The following SCARB2 variants were observed in gnomAD, a reference collection of about 807,000 sequenced individuals.
SCARB2 encodes the protein scavenger receptor class B member 2, also known as lysosome membrane protein 2.
In SCARB2, 29 loss-of-function variants were observed where a neutral mutation model predicts 58.6. The observed-to-expected ratio is 0.49, with a 90% CI of 0.37 to 0.67. The LOEUF (loss-of-function observed/expected upper bound fraction) is 0.67, where lower values mean the gene tolerates loss of function less well. Among genes scored for constraint, SCARB2 ranks in the 30% least tolerant of loss-of-function variants. SCARB2 has a pLI of 0.00. For synonymous variants in SCARB2, 195 were observed against 210.1 expected (o/e 0.93, Z 0.62); for missense variants, 488 against 578.5 (o/e 0.84, Z 1.60).
At chr4:76,224,941 C>A (rs1733369456) in intron 1 of SCARB2, among the ~76,000 whole-genome samples, 1 of 151,998 alleles carries the variant, frequency 6.6e-6, no homozygotes, top group South Asian at 2.1e-4. Context: ...TCCATTATAT[C>A]ATTCTTATAG....
chr4:76,175,674 G>T, intron 6 of SCARB2, 117 bp downstream of exon 6: 2 of 1,188,644 alleles, frequency 1.7e-6, no homozygotes, highest in Admixed American at 1.8e-5. Context: ...ATTTATCACT[G>T]ATTATGCATA....
At position 76,159,637 on chromosome 4, in the gene SCARB2, G is replaced by C. The variant is rs552690075; in HGVS notation, c.*2076C>G. 5 of 152,232 alleles carry C rather than the reference G, an allele frequency of 3.3e-5. No individual in the cohort carries two copies. The highest frequency in any genetic ancestry group is 1.2e-4 in the African/African-American group (5 of 41,410). 9.4% of individuals were successfully genotyped at this position (152,232 alleles called of 1,614,324 possible). A position where few individuals can be genotyped will look rare whatever the true frequency, so the allele number is the denominator to read the frequency against. ...CTTGGGTGGCTGAGGCAGGAGAATT[G>C]CTTGAACCCGGGAGGCAGAGGTTGC... On this transcript the variant is annotated 3_prime_UTR_variant, in exon 12 of 12. Coordinates refer to ENST00000264896, the MANE Select transcript of SCARB2 (RefSeq NM_005506.4).
chr4:76,221,176 G>T (rs1212255400), intron 1 of SCARB2, among the ~76,000 whole-genome samples: 2 of 152,210 alleles, frequency 1.3e-5, no homozygotes, highest in Non-Finnish European at 2.9e-5. Context: ...AAGGGGACAG[G>T]CTTTCTCCTC....
rs1270679836 is a variant in SCARB2, at chr4:76,160,040, A to G, written c.*1673T>C. On this transcript the variant is annotated 3_prime_UTR_variant, in exon 12 of 12. Transcript: ENST00000264896. ...TTGTTAGTTTTTTTACATTTTGGTG[A>G]GTTGGAGTATCTAAAGGTTCTATCT... 1 of 152,110 alleles carries G rather than the reference A, an allele frequency of 6.6e-6. No individual in the cohort carries two copies. The highest frequency in any genetic ancestry group is 2.4e-5 in the African/African-American group (1 of 41,406). 9.4% of individuals were successfully genotyped at this position (152,110 alleles called of 1,614,324 possible).
In SCARB2 at chr4:76,160,849, A is replaced by G. The variant is rs1444576282; in HGVS notation, c.*864T>C. 3 of 152,204 alleles carry G rather than the reference A, an allele frequency of 2.0e-5. No homozygotes were observed. Among genetic ancestry groups the G allele is most frequent in the African/African-American group, 7.2e-5 (3 of 41,444 alleles). The allele number at this position is 152,204 out of a possible 1,614,324, so 9.4% of individuals were successfully genotyped here. On this transcript the variant is annotated 3_prime_UTR_variant, in exon 12 of 12. Transcript: ENST00000264896. ...CATATTTGGCAAGGGCGACTCAGGAAGAAAAATCAGTTACTCATTACATTC... is the reference window on the plus strand; with the variant it reads ...CATATTTGGCAAGGGCGACTCAGGAGGAAAAATCAGTTACTCATTACATTC...
chr4:76,163,364 T>C lies in SCARB2; in HGVS notation c.1259A>G (p.Glu420Gly). 6.2e-7 allele frequency: 1 copy of C among 1,614,226 alleles called. No individual in the cohort carries two copies. Among genetic ancestry groups the C allele is most frequent in the Non-Finnish European group, 8.5e-7 (1 of 1,180,040 alleles). ...YLNESVHIDK[E>G]TASRLKSMIN... ...CATAGACTTCAGTCGACTCGCCGTC[T>C]CTTTATCAATGTGAACACTCTGGAG... The change falls in exon 11 of 12, where the codon GAG (glutamate) becomes GGG (glycine). Residue 420 changes from glutamate to glycine, a missense_variant. Transcript: ENST00000264896.
At chr4:76,215,615 T>C (rs1011795670), upstream of SCARB2, among the ~76,000 whole-genome samples, 5 of 152,224 alleles carry the variant, frequency 3.3e-5, no homozygotes, top group Non-Finnish European at 7.3e-5. Flanking sequence ...GAAATGACCA[T>C]ATCCTGGAAC....
rs181565706 is a variant in SCARB2, at chr4:76,171,858, C to T, written c.995-1873G>A. 1.4e-4 allele frequency among the ~76,000 whole-genome samples: 21 copies of T among 152,138 alleles called. 1 individual carries two copies. In the East Asian group the frequency reaches 1.7e-3, roughly 13 times the overall value. On this transcript the variant is annotated intron_variant, in intron 7 of 11. Transcript: ENST00000264896. ...GCACAATGGTCCCCAAATACCTAGA[C>T]GCCATCTTTATGGAAATCAGCTGGA...
intron 2 of SCARB2, among the ~76,000 whole-genome samples, chr4:76,189,628 AT>A (rs939312178): frequency 5.3e-5 from 8 of 150,922 alleles, no homozygotes; most frequent in Non-Finnish European, 7.4e-5. Context: ...CACCCAGCTA[AT>A]TTTTTTTTCT....
chr4:76,209,964 C>T (rs995675175), intron 1 of SCARB2, among the ~76,000 whole-genome samples: 43 of 152,346 alleles, frequency 2.8e-4, no homozygotes, highest in African/African-American at 9.9e-4. Context: ...CCTGCCAGCA[C>T]GTCTGCAGAG....
At chr4:76,226,219 C>T (rs1733395801) in intron 1 of SCARB2, among the ~76,000 whole-genome samples, 1 of 152,084 alleles carries the variant, frequency 6.6e-6, no homozygotes, top group Admixed American at 6.5e-5. Context: ...ATACTATTTA[C>T]TGGTAATCAA....
chr4:76,221,454 G>A (rs139565645), intron 1 of SCARB2, among the ~76,000 whole-genome samples: 4,896 of 152,164 alleles, frequency 0.032, 263 homozygotes, highest in African/African-American at 0.11. Context: ...GAGTAGCTGG[G>A]ATTACAGGCA....
intron 1 of SCARB2, among the ~76,000 whole-genome samples, chr4:76,198,841 A>AGTGAGTGAGTGT (rs1259886166): frequency 2.1e-5 from 3 of 141,010 alleles, no homozygotes; most frequent in African/African-American, 8.4e-5. Flanking sequence ...AGAGTGAGTG[A>AGTGAGTGAGTGT]GTGTGTGTGT....
At chr4:76,162,197 G>A (rs36035650) in intron 11 of SCARB2, 18,311 of 182,928 alleles carry the variant, frequency 0.1, 1,174 homozygotes, top group East Asian at 0.2. Context: ...ACTGCATAAA[G>A]TCACACTGGA....
At chr4:76,178,073 G>C (rs1732289598) in intron 4 of SCARB2, among the ~76,000 whole-genome samples, 1 of 152,170 alleles carries the variant, frequency 6.6e-6, no homozygotes, top group South Asian at 2.1e-4. Flanking sequence ...CCTAAGTCCA[G>C]GACCAGGACC....
intron 6 of SCARB2, chr4:76,174,903 T>C (rs141065728): frequency 3.1e-5 from 5 of 161,212 alleles, no homozygotes; most frequent in Middle Eastern, 3.3e-3. Flanking sequence ...ATTTCAAACA[T>C]AGTCCCATGT....
At chr4:76,179,460 G>A (rs777574072) in intron 4 of SCARB2, 57 bp downstream of exon 4, 1 of 1,225,150 alleles carries the variant, frequency 8.2e-7, no homozygotes, top group Non-Finnish European at 1.2e-6. Flanking sequence ...CTGGCTTGGG[G>A]TGCCCCAACC....
At chr4:76,227,784 C>G (rs1274424489) in intron 1 of SCARB2, among the ~76,000 whole-genome samples, 1 of 152,108 alleles carries the variant, frequency 6.6e-6, no homozygotes, top group Non-Finnish European at 1.5e-5. Context: ...TAATGTGCCA[C>G]CTCTTTGTCT....
chr4:76,181,021 A>G lies in SCARB2; in HGVS notation c.356T>C (p.Phe119Ser). Residue 119 changes from phenylalanine to serine, a missense_variant, in exon 3 of 12, where the codon TTT becomes TCT. Physicochemically the swap from Phe to Ser is radical, Grantham distance 155. Coordinates refer to ENST00000264896, the MANE Select transcript of SCARB2 (RefSeq NM_005506.4). Reference protein sequence around the residue: ...ISAVSNKAYVFERDQSVGDPK... With the variant: ...ISAVSNKAYVSERDQSVGDPK... ...GTCTCCAACAGATTGGTCTCGTTCA[A>G]AAACATAGGCCTTGTTGCTAACAGC... The G allele has an allele frequency of 6.2e-7, 1 of 1,613,870 alleles. No individual in the cohort carries two copies. Among genetic ancestry groups the G allele is most frequent in the Non-Finnish European group, 8.5e-7 (1 of 1,179,884 alleles).
Sources: allele counts gnomAD v4.1 joint callset (sites outside exome capture counted in the v4.1 genomes callset), GRCh38; gene constraint gnomAD v4.1.1; transcripts MANE v1.5; gene names NCBI Gene and HGNC (gene_info 2026-07-23, HGNC 2026-07-21).